The following SPATA16 variants were observed in gnomAD, a reference collection of about 807,000 sequenced individuals.
The protein encoded by SPATA16 is spermatogenesis-associated protein 16.
Under a neutral mutation model 63.3 loss-of-function variants are expected in SPATA16, and 36 were observed. The observed-to-expected ratio is 0.57, with a 90% CI of 0.44 to 0.75. The LOEUF (loss-of-function observed/expected upper bound fraction) is 0.75, where lower values mean the gene tolerates loss of function less well. Among genes scored for constraint, SPATA16 ranks in the 30% least tolerant of loss-of-function variants. The probability of loss-of-function intolerance (pLI) is 0.00; values close to 1 mark genes in which losing one functional copy is unlikely to be tolerated. For missense variants in SPATA16, 646 were observed against 679.3 expected, an observed-to-expected ratio of 0.95 and a Z score of 0.54; for synonymous variants, 203 against 216.7, an observed-to-expected ratio of 0.94 and a Z score of 0.56.
At chr3:173,029,900 A>G (rs1735561165) in intron 3 of SPATA16, among the ~76,000 whole-genome samples, 1 of 152,014 alleles carries the variant, frequency 6.6e-6, no homozygotes, top group Non-Finnish European at 1.5e-5. Flanking sequence ...ATGCCACCAC[A>G]TTCAGAAATT....
At chr3:173,009,919 T>C (rs1388288967) in intron 4 of SPATA16, among the ~76,000 whole-genome samples, 1 of 152,240 alleles carries the variant, frequency 6.6e-6, no homozygotes, top group African/African-American at 2.4e-5. Context: ...TTTAGACGTT[T>C]CCCTTTGGTT....
intron 1 of SPATA16, among the ~76,000 whole-genome samples, chr3:173,131,524 A>G (rs1738385024): frequency 6.6e-6 from 1 of 152,116 alleles, no homozygotes; most frequent in African/African-American, 2.4e-5. Flanking sequence ...GAAACCTGTA[A>G]GCTTTGGGTA....
At chr3:173,043,942 A>G (rs1735903533) in intron 3 of SPATA16, among the ~76,000 whole-genome samples, 1 of 152,056 alleles carries the variant, frequency 6.6e-6, no homozygotes, top group South Asian at 2.1e-4. Context: ...TTTGGCATCC[A>G]TATTTCTGAT....
rs1560080334 is a variant in SPATA16, at chr3:172,961,069, T to TTCCTTCCTTC, written c.934-4246_934-4245insGAAGGAAGGA. Among the ~76,000 whole-genome samples, 631 of 72,378 alleles carry TTCCTTCCTTC rather than the reference T, an allele frequency of 8.7e-3. 39 individuals are homozygous for TTCCTTCCTTC. Among genetic ancestry groups the TTCCTTCCTTC allele is most frequent in the South Asian group, 0.015 (26 of 1,772 alleles). The allele number at this position is 72,378 out of a possible 152,430, so 47.5% of individuals were successfully genotyped here. A position where few individuals can be genotyped will look rare whatever the true frequency, so the allele number is the denominator to read the frequency against. On this transcript the variant is annotated intron_variant, in intron 5 of 10. Coordinates refer to ENST00000351008, the MANE Select transcript of SPATA16 (RefSeq NM_031955.6). Reference sequence around the variant, plus strand: ...CTTTCTTCTTTCTTTCTTTCTTCTTTCTTCCTTCCTTCCTTCCTTCCTTCC... The same window carrying TTCCTTCCTTC: ...CTTTCTTCTTTCTTTCTTTCTTCTTTTCCTTCCTTCCTTCCTTCCTTCCTTCCTTCCTTCC...
chr3:173,111,175 A>C (rs182954412), intron 2 of SPATA16, among the ~76,000 whole-genome samples: 65 of 152,300 alleles, frequency 4.3e-4, no homozygotes, highest in African/African-American at 1.4e-3. Context: ...GGGTGATAAT[A>C]TCCATCTTAG....
At chr3:173,012,554 AG>A (rs1735095479) in intron 4 of SPATA16, among the ~76,000 whole-genome samples, 1 of 152,232 alleles carries the variant, frequency 6.6e-6, no homozygotes, top group Non-Finnish European at 1.5e-5. Context: ...TAAGCAAAAC[AG>A]CATAGTACTG....
intron 6 of SPATA16, among the ~76,000 whole-genome samples, chr3:172,928,694 A>C (rs1732795912): frequency 6.6e-6 from 1 of 152,220 alleles, no homozygotes; most frequent in South Asian, 2.1e-4. Context: ...CTAATTTATT[A>C]TAAAACATGC....
intron 10 of SPATA16, among the ~76,000 whole-genome samples, chr3:172,893,162 T>A (rs1306980417): frequency 6.6e-6 from 1 of 152,232 alleles, no homozygotes; most frequent in Non-Finnish European, 1.5e-5. Context: ...TAAATTTATA[T>A]GTTAAAGTCA....
intron 3 of SPATA16, among the ~76,000 whole-genome samples, chr3:173,027,944 G>A (rs780258288): frequency 1.4e-5 from 2 of 139,736 alleles, no homozygotes; most frequent in African/African-American, 2.6e-5. Context: ...CTTTATATGA[G>A]ACTAGGGATT....
chr3:173,122,875 T>G (rs1738118018), intron 1 of SPATA16, among the ~76,000 whole-genome samples: 1 of 152,224 alleles, frequency 6.6e-6, no homozygotes, highest in Non-Finnish European at 1.5e-5. Flanking sequence ...CTTCAGAGCC[T>G]GGAACATAAG....
At chr3:172,892,059 T>A (rs778230091) in intron 10 of SPATA16, among the ~76,000 whole-genome samples, 3 of 152,092 alleles carry the variant, frequency 2.0e-5, no homozygotes, top group Admixed American at 1.3e-4. Context: ...ACTTGAAGAG[T>A]TTCACAAAAC....
At chr3:173,076,161 CTATTTA>C (rs1329326348) in intron 2 of SPATA16, among the ~76,000 whole-genome samples, 20 of 151,962 alleles carry the variant, frequency 1.3e-4, no homozygotes, top group African/African-American at 4.6e-4. Context: ...TGGTGTATTT[CTATTTA>C]TATGTTACCC....
chr3:172,892,826 G>A (rs1484103139), intron 10 of SPATA16, among the ~76,000 whole-genome samples: 1 of 152,176 alleles, frequency 6.6e-6, no homozygotes, highest in Non-Finnish European at 1.5e-5. Context: ...TTGCTTAACT[G>A]TATCAGATAG....
chr3:173,099,909 C>T (rs968520223), intron 2 of SPATA16, among the ~76,000 whole-genome samples: 1 of 152,190 alleles, frequency 6.6e-6, no homozygotes, highest in African/African-American at 2.4e-5. Context: ...TTTCATATTT[C>T]TCCTTCACAG....
At chr3:173,078,156 T>C (rs1319444064) in intron 2 of SPATA16, among the ~76,000 whole-genome samples, 1 of 152,168 alleles carries the variant, frequency 6.6e-6, no homozygotes, top group Non-Finnish European at 1.5e-5. Context: ...AAAATTGGGC[T>C]TGAGAAATTT....
intron 10 of SPATA16, among the ~76,000 whole-genome samples, chr3:172,908,150 G>T (rs576721039): frequency 6.6e-6 from 1 of 152,324 alleles, no homozygotes; most frequent in South Asian, 2.1e-4. Flanking sequence ...CAGTAAATGT[G>T]TGATGAGTGC....
At chr3:172,944,493 C>A (rs756208716) in intron 6 of SPATA16, among the ~76,000 whole-genome samples, 9 of 152,136 alleles carry the variant, frequency 5.9e-5, no homozygotes, top group Non-Finnish European at 8.8e-5. Context: ...TATGATCCAG[C>A]AATTTATATG....
intron 8 of SPATA16, among the ~76,000 whole-genome samples, chr3:172,923,385 G>A (rs930175333): frequency 9.8e-5 from 15 of 152,298 alleles, no homozygotes; most frequent in Admixed American, 9.2e-4. Flanking sequence ...ATGTTATTGA[G>A]CAGATAAACT....
intron 5 of SPATA16, among the ~76,000 whole-genome samples, chr3:172,963,756 A>G (rs1457645551): frequency 6.6e-6 from 1 of 152,110 alleles, no homozygotes; most frequent in Non-Finnish European, 1.5e-5. Context: ...AAAGGATCTA[A>G]AATATTATTT....
Sources: allele counts gnomAD v4.1 joint callset (sites outside exome capture counted in the v4.1 genomes callset), GRCh38; gene constraint gnomAD v4.1.1; transcripts MANE v1.5; gene names NCBI Gene and HGNC (gene_info 2026-07-23, HGNC 2026-07-21).